The following SMYD3 variants were observed in gnomAD, a reference collection of about 807,000 sequenced individuals.
SMYD3 encodes the protein histone-lysine N-methyltransferase SMYD3.
A neutral mutation model predicts 57.7 loss-of-function variants in SMYD3; 36 were observed. The ratio of observed to expected loss-of-function variants is 0.62; its 90% CI spans 0.48 to 0.82. The LOEUF (loss-of-function observed/expected upper bound fraction) is 0.82. Ranked by LOEUF, SMYD3 falls within the 40% of genes least tolerant of loss-of-function variation. SMYD3 has a pLI of 0.00. For missense variants in SMYD3, 515 were observed against 538.8 expected (o/e 0.96, Z 0.44); for synonymous variants, 211 against 195.0 (o/e 1.08, Z -0.68).
chr1:245,826,262 A>G (rs1558392811), intron 10 of SMYD3, among the ~76,000 whole-genome samples: 2 of 151,918 alleles, frequency 1.3e-5, no homozygotes, highest in Non-Finnish European at 2.9e-5. Flanking sequence ...CCTGCTTTAG[A>G]TACTTCATAT....
intron 1 of SMYD3, among the ~76,000 whole-genome samples, chr1:246,413,972 CT>C (rs1354475060): frequency 2.6e-4 from 39 of 152,300 alleles, no homozygotes; most frequent in African/African-American, 9.4e-4. Context: ...TAAATATCTT[CT>C]TTTGATGGGC....
At chr1:246,363,085 G>A (rs1248927159) in intron 1 of SMYD3, among the ~76,000 whole-genome samples, 7 of 151,736 alleles carry the variant, frequency 4.6e-5, no homozygotes, top group Non-Finnish European at 1.0e-4. Flanking sequence ...CCCCTTCTGG[G>A]AGGTGAGGAG....
At chr1:246,338,799 T>G (rs534559788) in intron 2 of SMYD3, among the ~76,000 whole-genome samples, 1 of 152,320 alleles carries the variant, frequency 6.6e-6, no homozygotes, top group Admixed American at 6.5e-5. Flanking sequence ...ACCACACCAG[T>G]AGTTCTCAAT....
intron 5 of SMYD3, among the ~76,000 whole-genome samples, chr1:246,103,611 A>G (rs953360302): frequency 1.1e-4 from 16 of 151,984 alleles, no homozygotes; most frequent in African/African-American, 3.9e-4. Context: ...TGTTTTGACA[A>G]CCTCTTAACT....
intron 5 of SMYD3, among the ~76,000 whole-genome samples, chr1:246,172,180 C>T (rs1413569805): frequency 2.6e-5 from 4 of 152,102 alleles, no homozygotes; most frequent in Non-Finnish European, 5.9e-5. Context: ...CCACACTGCA[C>T]GCTTAGGCTA....
At position 246,299,013 on chromosome 1, in the gene SMYD3, G is replaced by A. The variant is rs144888804; in HGVS notation, c.531+28188C>T. Among the ~76,000 whole-genome samples the A allele has an allele frequency of 6.5e-3, 982 of 152,224 alleles. 9 individuals carry two copies. Among genetic ancestry groups the A allele is most frequent in the African/African-American group, 0.021 (891 of 41,540 alleles). On this transcript the variant is annotated intron_variant, in intron 5 of 11. Coordinates refer to ENST00000490107, the MANE Select transcript of SMYD3 (RefSeq NM_001167740.2). ...AGCAGTGTTCTTGTATAGGGTTGGT[G>A]GAGTGTAAATGCAATATATATTAGA...
At chr1:245,990,640 G>A (rs1243977487) in intron 5 of SMYD3, among the ~76,000 whole-genome samples, 3 of 152,118 alleles carry the variant, frequency 2.0e-5, no homozygotes, top group Non-Finnish European at 4.4e-5. Context: ...GAATCATCTT[G>A]GTCTGAAGGA....
intron 10 of SMYD3, among the ~76,000 whole-genome samples, chr1:245,786,037 A>G (rs1412835376): frequency 1.3e-5 from 2 of 150,026 alleles, no homozygotes; most frequent in Non-Finnish European, 3.0e-5. Flanking sequence ...GGATGCAGCT[A>G]TACCACGGTT....
chr1:245,947,000 G>A (rs1002727922), intron 5 of SMYD3, among the ~76,000 whole-genome samples: 2 of 152,196 alleles, frequency 1.3e-5, no homozygotes, highest in Admixed American at 1.3e-4. Flanking sequence ...GAATCTGCCA[G>A]ATCAATTTAG....
intron 5 of SMYD3, among the ~76,000 whole-genome samples, chr1:246,266,744 C>G (rs1429369149): frequency 6.6e-6 from 1 of 151,130 alleles, no homozygotes; most frequent in Non-Finnish European, 1.5e-5. Flanking sequence ...TTGCAGTGAG[C>G]CGAGATTGCA....
intron 1 of SMYD3, among the ~76,000 whole-genome samples, chr1:246,447,624 A>G (rs1326495779): frequency 6.6e-6 from 1 of 152,210 alleles, no homozygotes; most frequent in African/African-American, 2.4e-5. Flanking sequence ...TCAGTCTTAT[A>G]GTCTACAGAA....
At chr1:245,810,093 C>T (rs2048376938) in intron 10 of SMYD3, among the ~76,000 whole-genome samples, 1 of 152,172 alleles carries the variant, frequency 6.6e-6, no homozygotes, top group Non-Finnish European at 1.5e-5. Context: ...ACAGTTCTTC[C>T]TGCTGCCTGG....
At position 246,397,347 on chromosome 1, in the gene SMYD3, C is replaced by A. The variant is rs115745474; in HGVS notation, c.165-42253G>T. ...GTCCTCCAGTCTGTGGAAAAATGAT[C>A]TTCCAAGAAACCAGTCCCTGGTGCC... On this transcript the variant is annotated intron_variant, in intron 1 of 11. Transcript: ENST00000490107. Among the ~76,000 whole-genome samples the A allele has an allele frequency of 6.9e-3, 1,053 of 152,302 alleles. 21 individuals carry two copies. The highest frequency in any genetic ancestry group is 0.024 in the African/African-American group (982 of 41,556).
At chr1:246,239,980 CT>C (rs1558341157) in intron 5 of SMYD3, among the ~76,000 whole-genome samples, 1 of 152,088 alleles carries the variant, frequency 6.6e-6, no homozygotes, top group African/African-American at 2.4e-5. Flanking sequence ...TTTATAGTTT[CT>C]GGATATCAGC....
intron 5 of SMYD3, among the ~76,000 whole-genome samples, chr1:246,002,779 C>T (rs1261032653): frequency 6.6e-6 from 1 of 152,024 alleles, no homozygotes; most frequent in African/African-American, 2.4e-5. Flanking sequence ...AGACGGGGTC[C>T]TGCTCTGTCA....
chr1:246,460,720 T>C (rs1485935190), intron 1 of SMYD3, among the ~76,000 whole-genome samples: 1 of 152,232 alleles, frequency 6.6e-6, no homozygotes, highest in African/African-American at 2.4e-5. Flanking sequence ...TTTATGTTGA[T>C]TTCATAAGTA....
intron 5 of SMYD3, among the ~76,000 whole-genome samples, chr1:245,991,122 T>G (rs2058805286): frequency 6.6e-6 from 1 of 152,228 alleles, no homozygotes; most frequent in Non-Finnish European, 1.5e-5. Context: ...CACACATGCT[T>G]TAACTAAAAT....
At chr1:245,862,736 T>A (rs1017919813) in intron 9 of SMYD3, among the ~76,000 whole-genome samples, 18 of 152,228 alleles carry the variant, frequency 1.2e-4, no homozygotes, top group Admixed American at 6.5e-4. Context: ...GTAAGTTTCT[T>A]GATTACTTTT....
intron 5 of SMYD3, among the ~76,000 whole-genome samples, chr1:246,091,036 C>T (rs1039314352): frequency 1.3e-5 from 2 of 152,158 alleles, no homozygotes; most frequent in South Asian, 2.1e-4. Context: ...TCAAGGCTCT[C>T]GGCCTAAATG....
Sources: gnomAD v4.1 joint callset for allele counts (sites outside exome capture counted in the v4.1 genomes callset) on GRCh38, gnomAD v4.1.1 for gene constraint, MANE v1.5 for transcripts, NCBI Gene and HGNC (gene_info 2026-07-23, HGNC 2026-07-21) for gene names.